SLC6A16: variants seen among roughly 807,000 people sequenced by gnomAD.
SLC6A16 encodes orphan sodium- and chloride-dependent neurotransmitter transporter NTT5.
SLC6A16 carries 54 observed loss-of-function variants against 65.4 expected under a neutral mutation model. That is an observed-to-expected ratio of 0.83 (90% CI 0.66 to 1.04). The LOEUF (loss-of-function observed/expected upper bound fraction) is 1.04, where lower values mean the gene tolerates loss of function less well. Among genes scored for constraint, SLC6A16 ranks in the 50% least tolerant of loss-of-function variants. The probability of loss-of-function intolerance (pLI) is 0.00; values close to 1 mark genes in which losing one functional copy is unlikely to be tolerated. For synonymous variants in SLC6A16, 330 were observed against 346.5 expected, an observed-to-expected ratio of 0.95 and a Z score of 0.53; for missense variants, 816 against 914.0, an observed-to-expected ratio of 0.89 and a Z score of 1.38.
At chr19:49,338,641 T>C in the SLC6A16 span, 1 of 1,297,762 alleles carries the variant, frequency 7.7e-7, no homozygotes, top group African/African-American at 1.4e-5. The surrounding 1 kb of genome is among the most constrained non-coding windows in gnomAD (Gnocchi z 5.0). Context: ...CCTTGTCCCC[T>C]GATCCCCAAC....
At chr19:49,338,977 G>T in the SLC6A16 span, 1 of 1,491,976 alleles carries the variant, frequency 6.7e-7, no homozygotes. The surrounding 1 kb of genome is among the most constrained non-coding windows in gnomAD (Gnocchi z 5.0). Flanking sequence ...GAATGGGGCG[G>T]GGCCTGCGGG....
At chr19:49,293,701 T>C (rs769197649) in intron 9 of SLC6A16, 126 bp downstream of exon 9, 2 of 821,186 alleles carry the variant, frequency 2.4e-6, no homozygotes, top group Non-Finnish European at 4.0e-6. Context: ...GAGGCAGAAG[T>C]TGCAGTAAGC....
chr19:49,305,119 T>G (rs750392227), intron 7 of SLC6A16, among the ~76,000 whole-genome samples: 1 of 152,210 alleles, frequency 6.6e-6, no homozygotes, highest in Admixed American at 6.5e-5. Flanking sequence ...GTAGCAGCAA[T>G]GGAAGCAGTC....
In SLC6A16 at chr19:49,290,376, C is replaced by G; in HGVS notation, c.1958G>C (p.Arg653Pro). 1.9e-6 allele frequency: 3 copies of G among 1,612,648 alleles called. No homozygotes were observed. Among genetic ancestry groups the G allele is most frequent in the Admixed American group, 1.7e-5 (1 of 59,918 alleles). The change falls in exon 12 of 12, where the codon CGA becomes CCA. Residue 653 changes from arginine to proline, a missense_variant. Arg to Pro is a moderately radical substitution (Grantham distance 103). Coordinates refer to ENST00000335875, the MANE Select transcript of SLC6A16 (RefSeq NM_014037.3). ...WDSSTSKEVLRPYPPWALLLM... is the reference protein window; with the variant it reads ...WDSSTSKEVLPPYPPWALLLM... ...GAGCAGTGCCCACGGTGGGTATGGT[C>G]GAAGCACCTCTTTTGACTGTGGAGA...
chr19:49,339,795 T>C, the SLC6A16 span: 21 of 1,357,232 alleles, frequency 1.5e-5, no homozygotes, highest in Admixed American at 3.3e-5. The surrounding 1 kb of genome is among the most constrained non-coding windows in gnomAD (Gnocchi z 4.5). Context: ...ACAGCGGCAG[T>C]CTGTGGGGTG....
At chr19:49,300,332 C>T (rs764543753) in intron 7 of SLC6A16, among the ~76,000 whole-genome samples, 21 of 151,838 alleles carry the variant, frequency 1.4e-4, no homozygotes, top group South Asian at 2.1e-4. Context: ...AGTAAGACTC[C>T]GTCTCAAAAC....
At chr19:49,334,170 G>C in the SLC6A16 span, among the ~76,000 whole-genome samples, 3 of 152,232 alleles carry the variant, frequency 2.0e-5, no homozygotes, top group Non-Finnish European at 2.9e-5. Flanking sequence ...ACAAAAACAA[G>C]TGGGGAAGGG....
chr19:49,298,624 C>T (rs2146087029), intron 7 of SLC6A16, among the ~76,000 whole-genome samples: 1 of 152,254 alleles, frequency 6.6e-6, no homozygotes. Context: ...ATTAGTTCAG[C>T]CACTGTGGGA....
At chr19:49,323,292 G>T (rs955399472) in intron 1 of SLC6A16, among the ~76,000 whole-genome samples, 1 of 152,116 alleles carries the variant, frequency 6.6e-6, no homozygotes, top group Non-Finnish European at 1.5e-5. Context: ...AAAGCTTCAT[G>T]ATAGTGGATC....
At chr19:49,328,405 G>C (rs1450477592), upstream of SLC6A16, among the ~76,000 whole-genome samples, 2 of 152,136 alleles carry the variant, frequency 1.3e-5, no homozygotes, top group African/African-American at 4.8e-5. Flanking sequence ...TTGACACATG[G>C]GGATTATGAA....
At position 49,305,138 on chromosome 19, in the gene SLC6A16, C is replaced by T. The variant is rs557706675; in HGVS notation, c.1229+3738G>A. On this transcript the variant is annotated intron_variant, in intron 7 of 11. Coordinates refer to ENST00000335875, the MANE Select transcript of SLC6A16 (RefSeq NM_014037.3). ...CAGCAATGGAAGCAGTCCTATACTT[C>T]GCTTCAAGACACTTTGCTGAGTCTG... Among the ~76,000 whole-genome samples the T allele has an allele frequency of 5.9e-5, 9 of 152,314 alleles. No individual in the cohort carries two copies. In the East Asian group the frequency reaches 9.6e-4, roughly 16 times the overall value.
chr19:49,310,332 G>T, intron 3 of SLC6A16, 21 bp downstream of exon 3: 1 of 1,613,244 alleles, frequency 6.2e-7, no homozygotes, highest in East Asian at 2.2e-5. Flanking sequence ...AGTCAGGCCT[G>T]GGCAGCCATG....
intron 9 of SLC6A16, 35 bp from the exon 10 acceptor site, chr19:49,293,417 A>G (rs1970118626): frequency 1.2e-6 from 2 of 1,610,166 alleles, no homozygotes; most frequent in Non-Finnish European, 8.5e-7. Context: ...CAAGGTTAGA[A>G]GTCACGGCTG....
intron 1 of SLC6A16, among the ~76,000 whole-genome samples, chr19:49,315,490 G>A (rs544608329): frequency 6.6e-5 from 10 of 152,236 alleles, no homozygotes; most frequent in Admixed American, 3.9e-4. Flanking sequence ...AAAAAATTAG[G>A]TACAAAAATC....
chr19:49,331,705 G>A, the SLC6A16 span: 4 of 455,972 alleles, frequency 8.8e-6, no homozygotes, highest in Non-Finnish European at 1.8e-5. Flanking sequence ...AAGGATTATG[G>A]AGGACATTTC....
chr19:49,314,497 C>T (rs8105242), intron 1 of SLC6A16, among the ~76,000 whole-genome samples: 5,562 of 152,114 alleles, frequency 0.037, 323 homozygotes, highest in African/African-American at 0.13. Flanking sequence ...TTGGAAATTA[C>T]CAGAGTAATA....
intron 1 of SLC6A16, among the ~76,000 whole-genome samples, chr19:49,314,001 C>G (rs906362429): frequency 2.0e-5 from 3 of 151,746 alleles, no homozygotes; most frequent in African/African-American, 7.3e-5. Context: ...GAGGCTGAAG[C>G]AGGAGAATGG....
the SLC6A16 span, chr19:49,337,761 T>C: frequency 1.3e-6 from 2 of 1,537,330 alleles, no homozygotes; most frequent in Non-Finnish European, 1.7e-6. Flanking sequence ...GTAGAAATAG[T>C]GGAAGAAACA....
the SLC6A16 span, chr19:49,331,843 A>T: frequency 4.4e-6 from 2 of 456,820 alleles, no homozygotes; most frequent in Admixed American, 4.7e-5. Flanking sequence ...CTAGGAAAGA[A>T]GAAACCAAGT....
Sources: allele counts gnomAD v4.1 joint callset (sites outside exome capture counted in the v4.1 genomes callset), GRCh38; gene constraint gnomAD v4.1.1; non-coding constraint Gnocchi (gnomAD v3.1); transcripts MANE v1.5; gene names NCBI Gene and HGNC (gene_info 2026-07-23, HGNC 2026-07-21).